IFI44: variants seen among roughly 807,000 people sequenced by gnomAD.
IFI44 encodes interferon induced protein 44, also known as interferon-induced protein 44.
A neutral mutation model predicts 45.0 loss-of-function variants in IFI44; 42 were observed. The ratio of observed to expected loss-of-function variants is 0.93; its 90% CI spans 0.73 to 1.21. The LOEUF is 1.21. Among genes scored for constraint, IFI44 ranks in the 50% most tolerant of loss-of-function variants. The pLI is 0.00. For missense variants in IFI44, 623 were observed against 525.8 expected (o/e 1.18, Z -1.81); for synonymous variants, 221 against 188.6 (o/e 1.17, Z -1.41).
At chr1:78,662,004 A>C (rs575854639) in intron 7 of IFI44, among the ~76,000 whole-genome samples, 1 of 152,352 alleles carries the variant, frequency 6.6e-6, no homozygotes, top group South Asian at 2.1e-4. Flanking sequence ...ATGAGGAATC[A>C]CAGCAATTTT....
Position 78,659,391 on chromosome 1 carries a change from T to G in IFI44, c.920T>G (p.Val307Gly), listed in dbSNP as rs1647323514. 1 of 1,613,324 alleles carries G rather than the reference T, an allele frequency of 6.2e-7. No homozygotes were observed. The highest frequency in any genetic ancestry group is 1.7e-5 in the Admixed American group (1 of 59,994). Residue 307 changes from valine to glycine, a missense_variant, in exon 6 of 9, where the codon GTG becomes GGG. Val to Gly is a moderately radical substitution (Grantham distance 109, BLOSUM62 -3). Transcript: ENST00000370747. ...SPSLKDRIHCVAFVFDASSIQ... is the reference protein window; with the variant it reads ...SPSLKDRIHCGAFVFDASSIQ... ...TCGCTGAAGGACAGAATTCATTGTG[T>G]GGCATTTGTATTTGATGCCAGCTCT...
rs1647549667 is a variant in IFI44, at chr1:78,662,886, G to T, written c.1288+8G>T. ...TGCCTTTTGAGCAAATAGGTAGATG[G>T]TTTGGTGGTGTGGAAGCTTGGAAGC... On this transcript the variant is annotated splice_region_variant and intron_variant, in intron 8 of 8. Transcript: ENST00000370747. 1 of 1,500,838 alleles carries T rather than the reference G, an allele frequency of 6.7e-7. No homozygotes were observed. The highest frequency in any genetic ancestry group is 1.2e-5 in the South Asian group (1 of 86,846). 93.0% of individuals were successfully genotyped at this position (1,500,838 alleles called of 1,614,324 possible).
chr1:78,663,555 C>G, intron 8 of IFI44: 3 of 985,270 alleles, frequency 3.0e-6, no homozygotes, highest in Non-Finnish European at 3.6e-6. Context: ...CTCCAATTCT[C>G]TCTTACTCAA....
rs769387830 is a variant in IFI44, at chr1:78,654,247, A to G, written c.462A>G (p.Ser154=). The G allele has an allele frequency of 6.7e-7, 1 of 1,485,534 alleles. No homozygotes were observed. Among genetic ancestry groups the G allele is most frequent in the Non-Finnish European group, 9.4e-7 (1 of 1,064,758 alleles). The allele number at this position is 1,485,534 out of a possible 1,614,324, so 92.0% of individuals were successfully genotyped here. The part of the protein sequence containing the change: ...QDYEVFRCED[S]LDERKIKGVI... ...ATTCTTTGATTATTTCCCCAGATTC[A>G]CTGGATGAAAGAAAGATAAAAGGGG... Residue 154 remains serine, a synonymous_variant, in exon 3 of 9, where the codon TCA becomes TCG. Coordinates refer to ENST00000370747, the MANE Select transcript of IFI44 (RefSeq NM_006417.5).
intron 5 of IFI44, among the ~76,000 whole-genome samples, chr1:78,657,504 T>TG (rs1364084702): frequency 6.6e-6 from 1 of 152,148 alleles, no homozygotes; most frequent in Non-Finnish European, 1.5e-5. Flanking sequence ...ATGCACAATA[T>TG]GGGGATTTAT....
In IFI44 at chr1:78,650,613, A is replaced by G. The variant is rs1384364929; in HGVS notation, c.418A>G (p.Thr140Ala). 3 of 1,608,124 alleles carry G rather than the reference A, an allele frequency of 1.9e-6. No homozygotes were observed. Among genetic ancestry groups the G allele is most frequent in the Admixed American group, 1.7e-5 (1 of 59,136 alleles). ...AAATCTTGGACTTGCTCAAAATTGT[A>G]CTATCTCTATTCAGGATTATGAAGT... ...MENLGLAQNC[T>A]ISIQDYEVFR... Residue 140 changes from threonine to alanine, a missense_variant, in exon 2 of 9, where the codon ACT (threonine) becomes GCT (alanine). Transcript: ENST00000370747.
rs374174609 is a variant in IFI44, at chr1:78,659,304, C to T, written c.841-8C>T. The T allele has an allele frequency of 3.7e-6, 6 of 1,602,848 alleles. No individual in the cohort carries two copies. The highest frequency in any genetic ancestry group is 2.7e-5 in the African/African-American group (2 of 74,680). ...GAATTAATATCTTGCTTTATGTCTA[C>T]CTTACAGTTTAATCCCATGGAATCA... On this transcript the variant is annotated splice_region_variant and splice_polypyrimidine_tract_variant and intron_variant, in intron 5 of 8. Transcript: ENST00000370747.
At chr1:78,662,974 T>G in intron 8 of IFI44, 96 bp downstream of exon 8, 2 of 1,604,942 alleles carry the variant, frequency 1.2e-6, no homozygotes, top group South Asian at 2.2e-5. Context: ...TCTGTCTTTT[T>G]GTGGGTTGTT....
chr1:78,659,341 TCATCATGA>T lies in IFI44; in HGVS notation c.872_879del (p.His291LeufsTer3). The T allele has an allele frequency of 6.2e-7, 1 of 1,612,972 alleles. No homozygotes were observed. The highest frequency in any genetic ancestry group is 1.1e-5 in the South Asian group (1 of 91,046). The stretch of plus-strand genomic sequence containing the variant: ...ATCCCATGGAATCAATCAAATTAAA[TCATCATGA>T]CTACATTGATTCCCCATCGCTGAAG... On this transcript the variant is annotated frameshift_variant, in exon 6 of 9. Transcript: ENST00000370747. LOFTEE classifies it high-confidence loss of function.
At chr1:78,654,124 A>T (rs1418473199) in intron 2 of IFI44, 119 bp from the exon 3 acceptor site, 1 of 701,106 alleles carries the variant, frequency 1.4e-6, no homozygotes, top group African/African-American at 1.8e-5. Context: ...ATACGGGACC[A>T]TTCTCATGGA....
chr1:78,652,674 G>C (rs1647143590), intron 2 of IFI44, among the ~76,000 whole-genome samples: 1 of 152,050 alleles, frequency 6.6e-6, no homozygotes. Context: ...CATTCATATA[G>C]TATTCCATTG....
intron 1 of IFI44, 119 bp from the exon 2 acceptor site, chr1:78,650,067 C>A: frequency 1.9e-6 from 1 of 534,874 alleles, no homozygotes. Context: ...TCTGTTCATC[C>A]TTTGTTTTGT....
chr1:78,660,418 T>C (rs765196379), intron 6 of IFI44, 136 bp from the exon 7 acceptor site: 20 of 620,496 alleles, frequency 3.2e-5, no homozygotes, highest in Non-Finnish European at 5.6e-5. Context: ...TTTGGGGAGA[T>C]GAGGGTGACC....
intron 5 of IFI44, among the ~76,000 whole-genome samples, chr1:78,657,517 C>T (rs1647245347): frequency 6.6e-6 from 1 of 152,040 alleles, no homozygotes; most frequent in African/African-American, 2.4e-5. Flanking sequence ...GGATTTATCC[C>T]TTTTCTAATA....
At chr1:78,652,105 A>G (rs1429783652) in intron 2 of IFI44, among the ~76,000 whole-genome samples, 1 of 151,556 alleles carries the variant, frequency 6.6e-6, no homozygotes, top group Non-Finnish European at 1.5e-5. Context: ...TTTTTTTTTG[A>G]GACAGAGTCT....
intron 5 of IFI44, among the ~76,000 whole-genome samples, chr1:78,656,505 C>G (rs1011692089): frequency 4.6e-5 from 7 of 152,042 alleles, no homozygotes; most frequent in Non-Finnish European, 7.4e-5. Context: ...TATTTCATGA[C>G]AGCATTTTAA....
chr1:78,654,972 C>T, intron 3 of IFI44, 42 bp from the exon 4 acceptor site: 1 of 1,419,426 alleles, frequency 7.0e-7, no homozygotes, highest in Non-Finnish European at 9.4e-7. Context: ...GGTTTTGCGA[C>T]CTAACCTCAG....
chr1:78,662,951 TACCTGGC>T, intron 8 of IFI44, 73 bp downstream of exon 8: 1 of 1,610,654 alleles, frequency 6.2e-7, no homozygotes, highest in Non-Finnish European at 8.5e-7. Context: ...ATCTATTAAA[TACCTGGC>T]AGCTCTCTGT....
chr1:78,653,220 C>T (rs992644226), intron 2 of IFI44, among the ~76,000 whole-genome samples: 3 of 150,560 alleles, frequency 2.0e-5, no homozygotes, highest in African/African-American at 4.9e-5. Flanking sequence ...CAATGTTTTC[C>T]TTCTTGCCAT....
Sources: gnomAD v4.1 joint callset for allele counts (sites outside exome capture counted in the v4.1 genomes callset) on GRCh38, gnomAD v4.1.1 for gene constraint, MANE v1.5 for transcripts, NCBI Gene and HGNC (gene_info 2026-07-23, HGNC 2026-07-21) for gene names.